The following FBXL7 variants were observed in gnomAD, a reference collection of about 807,000 sequenced individuals.
The protein encoded by FBXL7 is F-box and leucine rich repeat protein 7.
Under a neutral mutation model 38.3 loss-of-function variants are expected in FBXL7, and 12 were observed. The ratio of observed to expected loss-of-function variants is 0.31; its 90% CI spans 0.20 to 0.51. The LOEUF is 0.51. FBXL7 is among the 20% of genes least tolerant of loss of function. FBXL7 has a pLI of 0.98. For synonymous variants in FBXL7, 297 were observed against 300.9 expected, an observed-to-expected ratio of 0.99 and a Z score of 0.13; for missense variants, 567 against 676.4, an observed-to-expected ratio of 0.84 and a Z score of 1.79.
chr5:15,676,663 G>A (rs1222907798), intron 2 of FBXL7, among the ~76,000 whole-genome samples: 4 of 152,162 alleles, frequency 2.6e-5, no homozygotes, highest in Non-Finnish European at 5.9e-5. Context: ...GTGTTGAGAG[G>A]GCATCTAGCT....
At chr5:15,622,260 ATTTTATT>A (rs1345281775) in intron 2 of FBXL7, among the ~76,000 whole-genome samples, 10 of 150,906 alleles carry the variant, frequency 6.6e-5, no homozygotes, top group African/African-American at 1.9e-4. Context: ...TTTTTATTTT[ATTTTATT>A]TTTTATTTTT....
intron 1 of FBXL7, among the ~76,000 whole-genome samples, chr5:15,530,641 CAG>C (rs1228649426): frequency 2.0e-5 from 3 of 152,090 alleles, no homozygotes; most frequent in Non-Finnish European, 2.9e-5. Flanking sequence ...AGTGAAAAAA[CAG>C]ATTAAAATCA....
At chr5:15,852,078 G>C (rs1739114048) in intron 2 of FBXL7, among the ~76,000 whole-genome samples, 1 of 152,048 alleles carries the variant, frequency 6.6e-6, no homozygotes. Flanking sequence ...GAGTGTGTAG[G>C]GAGCTGACAT....
intron 1 of FBXL7, among the ~76,000 whole-genome samples, chr5:15,558,073 G>T (rs1397015240): frequency 2.0e-5 from 3 of 152,072 alleles, no homozygotes; most frequent in African/African-American, 4.8e-5. Flanking sequence ...GGAAATGGTG[G>T]TGATCTTGCA....
chr5:15,677,475 A>AGAGAGAGC (rs202091508), intron 2 of FBXL7, among the ~76,000 whole-genome samples: 8 of 45,358 alleles, frequency 1.8e-4, no homozygotes, highest in Non-Finnish European at 2.2e-4. Context: ...AAAGAAAGAA[A>AGAGAGAGC]GAGAGAGAGA....
intron 2 of FBXL7, among the ~76,000 whole-genome samples, chr5:15,707,824 C>T (rs187066305): frequency 6.6e-5 from 10 of 152,282 alleles, no homozygotes; most frequent in Admixed American, 5.9e-4. Context: ...CCAGTATTCA[C>T]TGGAGATCCT....
chr5:15,845,807 T>TAA (rs1738881541), intron 2 of FBXL7, among the ~76,000 whole-genome samples: 1 of 151,750 alleles, frequency 6.6e-6, no homozygotes, highest in Non-Finnish European at 1.5e-5. Context: ...CCGTCTCTAG[T>TAA]AAAAATACAA....
At position 15,849,054 on chromosome 5, in the gene FBXL7, G is replaced by C. The variant is rs192974313; in HGVS notation, c.128-78836G>C. On this transcript the variant is annotated intron_variant, in intron 2 of 3. Transcript: ENST00000504595. ...TAAATGATTGCTCTAGTAATGTGCA[G>C]TTTCATGAACTCCACTGATACATGG... is the stretch of plus-strand genomic sequence containing the variant. Among the ~76,000 whole-genome samples, 131 of 152,354 alleles carry C rather than the reference G, an allele frequency of 8.6e-4. 1 individual carries two copies. The highest frequency in any genetic ancestry group is 3.1e-3 in the African/African-American group (127 of 41,580).
At chr5:15,781,448 TGC>T (rs753233530) in intron 2 of FBXL7, among the ~76,000 whole-genome samples, 4 of 151,428 alleles carry the variant, frequency 2.6e-5, no homozygotes, top group Non-Finnish European at 4.4e-5. Context: ...TGTGTGTGTG[TGC>T]GCGCGCGTGT....
At position 15,840,538 on chromosome 5, in the gene FBXL7, A is replaced by G. The variant is rs75976547; in HGVS notation, c.128-87352A>G. Among the ~76,000 whole-genome samples, 553 of 152,264 alleles carry G rather than the reference A, an allele frequency of 3.6e-3. 4 individuals are homozygous for G. The highest frequency in any genetic ancestry group is 0.013 in the African/African-American group (538 of 41,538). On this transcript the variant is annotated intron_variant, in intron 2 of 3. Transcript: ENST00000504595. ...TGATATTGAACATTTTCTGCCTCGAATATGATAAATATTGCTATTTAATAA... is the reference window on the plus strand; with the variant it reads ...TGATATTGAACATTTTCTGCCTCGAGTATGATAAATATTGCTATTTAATAA...
At chr5:15,525,101 C>T (rs1438385674) in intron 1 of FBXL7, among the ~76,000 whole-genome samples, 1 of 152,142 alleles carries the variant, frequency 6.6e-6, no homozygotes, top group African/African-American at 2.4e-5. Flanking sequence ...GCCTCAGTTT[C>T]CCCATCTTTA....
intron 2 of FBXL7, among the ~76,000 whole-genome samples, chr5:15,820,010 A>G (rs1236049715): frequency 6.6e-6 from 1 of 152,238 alleles, no homozygotes; most frequent in Non-Finnish European, 1.5e-5. Context: ...ATTGAATTCT[A>G]GAATGAAAAC....
At chr5:15,751,086 G>A (rs924447789) in intron 2 of FBXL7, among the ~76,000 whole-genome samples, 3 of 151,822 alleles carry the variant, frequency 2.0e-5, no homozygotes, top group Admixed American at 6.6e-5. Context: ...TTCTGTTTCC[G>A]TGTTGTGGTT....
rs537118531 is a variant in FBXL7 at position 15,792,317 on chromosome 5, A to G, written c.128-135573A>G. On this transcript the variant is annotated intron_variant, in intron 2 of 3. Coordinates refer to ENST00000504595, the MANE Select transcript of FBXL7 (RefSeq NM_012304.5). ...ACTTGTCCTTTCTGTTTGATTCACC[A>G]TGGATTCATTGTGAACCCAGTTAGT... is the stretch of plus-strand genomic sequence containing the variant. Among the ~76,000 whole-genome samples the G allele has an allele frequency of 9.2e-5, 14 of 152,260 alleles. No individual in the cohort carries two copies. In the South Asian group the frequency reaches 1.0e-3, roughly 11 times the overall value.
chr5:15,680,706 T>C (rs1742817991), intron 2 of FBXL7, among the ~76,000 whole-genome samples: 1 of 152,198 alleles, frequency 6.6e-6, no homozygotes, highest in South Asian at 2.1e-4. Context: ...GGCAATAACA[T>C]GACTCCAAAT....
intron 2 of FBXL7, among the ~76,000 whole-genome samples, chr5:15,691,693 C>T (rs975376176): frequency 1.3e-5 from 2 of 152,304 alleles, no homozygotes; most frequent in South Asian, 2.1e-4. Context: ...TTGAGTCTAG[C>T]TGTTATGATT....
At chr5:15,678,020 C>A (rs989649876) in intron 2 of FBXL7, among the ~76,000 whole-genome samples, 1 of 152,188 alleles carries the variant, frequency 6.6e-6, no homozygotes, top group Non-Finnish European at 1.5e-5. Flanking sequence ...ATGGAACACT[C>A]TGACTTTGTT....
intron 2 of FBXL7, among the ~76,000 whole-genome samples, chr5:15,650,234 A>G (rs1443177925): frequency 1.3e-5 from 2 of 152,240 alleles, no homozygotes; most frequent in Admixed American, 1.3e-4. Flanking sequence ...AGCAAGCCAC[A>G]TGAAATTTTT....
At chr5:15,890,207 C>T (rs1251734543) in intron 2 of FBXL7, among the ~76,000 whole-genome samples, 1 of 152,070 alleles carries the variant, frequency 6.6e-6, no homozygotes, top group African/African-American at 2.4e-5. Flanking sequence ...GCATTACCAC[C>T]TGAGCTCCAC....
Sources: allele counts gnomAD v4.1 joint callset (sites outside exome capture counted in the v4.1 genomes callset), GRCh38; gene constraint gnomAD v4.1.1; transcripts MANE v1.5; gene names NCBI Gene and HGNC (gene_info 2026-07-23, HGNC 2026-07-21).